The following CA10 variants were observed in gnomAD, a reference collection of about 807,000 sequenced individuals.
The protein encoded by CA10 is carbonic anhydrase-related protein 10.
CA10 carries 14 observed loss-of-function variants against 44.2 expected under a neutral mutation model. That is an observed-to-expected ratio of 0.32 (90% CI 0.21 to 0.50). The LOEUF (loss-of-function observed/expected upper bound fraction) is 0.50, where lower values mean the gene tolerates loss of function less well. Among genes scored for constraint, CA10 ranks in the 20% least tolerant of loss-of-function variants. The probability of loss-of-function intolerance (pLI) is 0.99; values close to 1 mark genes in which losing one functional copy is unlikely to be tolerated. For missense variants in CA10, 350 were observed against 409.7 expected, an observed-to-expected ratio of 0.85 and a Z score of 1.26; for synonymous variants, 159 against 141.6, an observed-to-expected ratio of 1.12 and a Z score of -0.87.
chr17:51,656,459 G>T (rs1378159676), intron 4 of CA10, among the ~76,000 whole-genome samples: 1 of 152,174 alleles, frequency 6.6e-6, no homozygotes, highest in Non-Finnish European at 1.5e-5. Flanking sequence ...AGGTGAGTTG[G>T]CTAGGATTCT....
intron 2 of CA10, among the ~76,000 whole-genome samples, chr17:52,003,641 C>T (rs79862824): frequency 0.027 from 4,053 of 151,852 alleles, 179 homozygotes; most frequent in African/African-American, 0.092. Flanking sequence ...TCCAATGATA[C>T]TGGAGTAGGA....
At chr17:51,778,934 A>T in intron 3 of CA10, among the ~76,000 whole-genome samples, 1 of 152,196 alleles carries the variant, frequency 6.6e-6, no homozygotes, top group East Asian at 1.9e-4. Flanking sequence ...CCAGGAACTC[A>T]GGCTTCTACC....
chr17:52,099,430 G>A (rs1013224417), intron 1 of CA10, among the ~76,000 whole-genome samples: 2 of 152,196 alleles, frequency 1.3e-5, no homozygotes, highest in African/African-American at 2.4e-5. Context: ...GACTCTGTAA[G>A]GCTCCAGATA....
intron 3 of CA10, among the ~76,000 whole-genome samples, chr17:51,790,834 A>G (rs577365267): frequency 3.2e-4 from 48 of 152,316 alleles, no homozygotes; most frequent in Admixed American, 3.0e-3. Context: ...GTAATGACCA[A>G]CATCTGTATA....
In CA10 at chr17:52,099,719, A is replaced by G. The variant is rs143985616; in HGVS notation, c.62-27326T>C. ...AGCAGATGGTTCTTAAGGCATATCCATAGGGAATGTCATACTAACAGATTG... is the reference window on the plus strand; with the variant it reads ...AGCAGATGGTTCTTAAGGCATATCCGTAGGGAATGTCATACTAACAGATTG... On this transcript the variant is annotated intron_variant, in intron 1 of 8. Coordinates refer to ENST00000451037, the MANE Select transcript of CA10 (RefSeq NM_020178.5). 2.5e-3 allele frequency among the ~76,000 whole-genome samples: 379 copies of G among 152,348 alleles called. 3 individuals are homozygous for G. The highest frequency in any genetic ancestry group is 8.5e-3 in the African/African-American group (355 of 41,578).
intron 8 of CA10, 46 bp downstream of exon 8, chr17:51,633,430 C>G (rs1912677695): frequency 6.4e-7 from 1 of 1,559,478 alleles, no homozygotes; most frequent in Admixed American, 1.8e-5. Context: ...AGCAGAAAGA[C>G]TGAGCTCTAG....
At chr17:51,849,140 GTTT>G (rs1176251923) in intron 3 of CA10, among the ~76,000 whole-genome samples, 17 of 114,950 alleles carry the variant, frequency 1.5e-4, no homozygotes, top group East Asian at 1.2e-3. Context: ...TAAAAACTTA[GTTT>G]TTTATATATA....
At chr17:52,134,505 T>A (rs1430344367) in intron 1 of CA10, among the ~76,000 whole-genome samples, 1 of 152,114 alleles carries the variant, frequency 6.6e-6, no homozygotes, top group Non-Finnish European at 1.5e-5. Flanking sequence ...ACCCACATGA[T>A]TTCGGTAAGA....
chr17:52,150,432 G>T (rs539778112), intron 1 of CA10, among the ~76,000 whole-genome samples: 1 of 152,234 alleles, frequency 6.6e-6, no homozygotes, highest in South Asian at 2.1e-4. Flanking sequence ...GGAGGAAAAG[G>T]TCACTGTCTT....
At chr17:51,820,313 C>T (rs1907722089) in intron 3 of CA10, among the ~76,000 whole-genome samples, 1 of 148,722 alleles carries the variant, frequency 6.7e-6, no homozygotes, top group South Asian at 2.1e-4. Flanking sequence ...AACTGACACA[C>T]AGTGGGTATT....
chr17:52,108,194 T>TA (rs1567735876), intron 1 of CA10, among the ~76,000 whole-genome samples: 6,602 of 57,032 alleles, frequency 0.12, 244 homozygotes, highest in Non-Finnish European at 0.13. Context: ...TATATATTTT[T>TA]TATATATATA....
intron 2 of CA10, among the ~76,000 whole-genome samples, chr17:51,941,092 T>G (rs1362158597): frequency 6.6e-6 from 1 of 152,132 alleles, no homozygotes; most frequent in Non-Finnish European, 1.5e-5. Flanking sequence ...AAACTGAGGC[T>G]CAAAGAGTTG....
chr17:52,020,023 T>C lies in CA10; in HGVS notation c.136+52296A>G, dbSNP rs73989037. Among the ~76,000 whole-genome samples the C allele has an allele frequency of 4.3e-3, 649 of 152,134 alleles. 3 individuals carry two copies. The highest frequency in any genetic ancestry group is 0.014 in the African/African-American group (599 of 41,548). ...ACAGTCTCCTACTATAATTATAGAT[T>C]GCTCTATTCTTCACTTAGTTTTGTC... On this transcript the variant is annotated intron_variant, in intron 2 of 8. Transcript: ENST00000451037.
At chr17:52,050,992 G>GGAAGGAAGGAAGGAAGGAAGGAAC (rs1461529004) in intron 2 of CA10, among the ~76,000 whole-genome samples, 2 of 138,188 alleles carry the variant, frequency 1.4e-5, no homozygotes, top group Non-Finnish European at 3.0e-5. Flanking sequence ...GAAAAAAAAG[G>GGAAGGAAGGAAGGAAGGAAGGAAC]GAAGGAAGGA....
chr17:51,814,232 A>T (rs1053309888), intron 3 of CA10, among the ~76,000 whole-genome samples: 19 of 152,144 alleles, frequency 1.2e-4, no homozygotes, highest in Non-Finnish European at 2.4e-4. Flanking sequence ...ATTAATAATG[A>T]CCTCTTAAAC....
chr17:51,890,160 C>T (rs748048933), intron 3 of CA10, among the ~76,000 whole-genome samples: 6 of 152,304 alleles, frequency 3.9e-5, no homozygotes, highest in Admixed American at 6.5e-5. Context: ...TAGAACAGTT[C>T]GGTTAACTTC....
chr17:51,956,632 G>C (rs972005135), intron 2 of CA10, among the ~76,000 whole-genome samples: 3 of 152,130 alleles, frequency 2.0e-5, no homozygotes, highest in Non-Finnish European at 1.5e-5. Context: ...AGTGGATCTG[G>C]ATTGATCCAT....
At chr17:51,847,517 C>T (rs934975347) in intron 3 of CA10, among the ~76,000 whole-genome samples, 14 of 152,208 alleles carry the variant, frequency 9.2e-5, no homozygotes, top group Admixed American at 2.0e-4. Context: ...ATGATAATAA[C>T]GCATATCATC....
chr17:51,865,460 A>G (rs1477580716), intron 3 of CA10, among the ~76,000 whole-genome samples: 2 of 152,216 alleles, frequency 1.3e-5, no homozygotes, highest in African/African-American at 4.8e-5. Context: ...TGGGTAGTGA[A>G]AAAGTTGAAA....
Sources: allele counts gnomAD v4.1 joint callset (sites outside exome capture counted in the v4.1 genomes callset), GRCh38; gene constraint gnomAD v4.1.1; transcripts MANE v1.5; gene names NCBI Gene and HGNC (gene_info 2026-07-23, HGNC 2026-07-21).